The following EIF2AK4 variants were observed in gnomAD, a reference collection of about 807,000 sequenced individuals.
EIF2AK4 encodes the protein eukaryotic translation initiation factor 2 alpha kinase 4.
A neutral mutation model predicts 211.1 loss-of-function variants in EIF2AK4; 139 were observed. The ratio of observed to expected loss-of-function variants is 0.66; its 90% CI spans 0.57 to 0.76. The LOEUF is 0.76. Ranked by LOEUF, EIF2AK4 falls within the 30% of genes least tolerant of loss-of-function variation. EIF2AK4 has a pLI of 0.00. For synonymous variants in EIF2AK4, 710 were observed against 751.3 expected, an observed-to-expected ratio of 0.94 and a Z score of 0.90; for missense variants, 1,664 against 2,043.8, an observed-to-expected ratio of 0.81 and a Z score of 3.58.
chr15:40,008,762 C>G (rs1567003206), intron 25 of EIF2AK4, among the ~76,000 whole-genome samples: 1 of 152,164 alleles, frequency 6.6e-6, no homozygotes, highest in Admixed American at 6.5e-5. Context: ...CTTCTCAACT[C>G]TCACAGGTCT....
intron 9 of EIF2AK4, among the ~76,000 whole-genome samples, 180 bp downstream of exon 9, chr15:39,968,059 C>T (rs2034569844): frequency 6.6e-6 from 1 of 152,222 alleles, no homozygotes; most frequent in South Asian, 2.1e-4. Flanking sequence ...GTTGGTGATT[C>T]TCTTAACTAC....
At chr15:40,026,197 G>A (rs779483244) in intron 33 of EIF2AK4, 108 bp downstream of exon 33, 41 of 985,614 alleles carry the variant, frequency 4.2e-5, no homozygotes, top group Middle Eastern at 2.4e-4. Flanking sequence ...GCTCACACCT[G>A]TAATCCCAGC....
intron 2 of EIF2AK4, among the ~76,000 whole-genome samples, chr15:39,940,408 C>T (rs932904385): frequency 2.0e-5 from 3 of 152,008 alleles, no homozygotes; most frequent in South Asian, 2.1e-4. Context: ...TGGAAAGGGA[C>T]AAGTAAAAGG....
chr15:39,955,862 C>A lies in EIF2AK4; in HGVS notation c.743+94C>A, dbSNP rs957743636. On this transcript the variant is annotated intron_variant, in intron 6 of 38. Coordinates refer to ENST00000263791, the MANE Select transcript of EIF2AK4 (RefSeq NM_001013703.4). ...AGTGAAATTTGATGGAAATTTCAGG[C>A]GATAGTCTTAATAACTTTTTTCAAA... The A allele has an allele frequency of 2.9e-6, 4 of 1,363,368 alleles. No individual in the cohort carries two copies. The African/African-American group carries it at 4.5e-5, about 15-fold the overall frequency. 84.5% of individuals were successfully genotyped at this position (1,363,368 alleles called of 1,614,324 possible).
chr15:40,032,444 T>C (rs1296368280), intron 36 of EIF2AK4, among the ~76,000 whole-genome samples: 6 of 152,190 alleles, frequency 3.9e-5, no homozygotes, highest in Non-Finnish European at 5.9e-5. Flanking sequence ...CTCTTTAAGA[T>C]AGAGGAAAAT....
At chr15:39,938,200 C>T (rs77368811) in intron 1 of EIF2AK4, among the ~76,000 whole-genome samples, 4,947 of 152,220 alleles carry the variant, frequency 0.032, 102 homozygotes, top group Middle Eastern at 0.095. Flanking sequence ...TTCTCACCTC[C>T]GTGGACTAAG....
chr15:40,029,465 G>A lies in EIF2AK4; in HGVS notation c.4561+1G>A, dbSNP rs1274522740. ...AAGGGGTCATTTTCTAATGCTTCAG[G>A]TATAATTACTAATTATAATCTGAAC... On this transcript the variant is annotated splice_donor_variant, in intron 34 of 38. Coordinates refer to ENST00000263791, the MANE Select transcript of EIF2AK4 (RefSeq NM_001013703.4). LOFTEE classifies it high-confidence loss of function. The A allele has an allele frequency of 6.2e-7, 1 of 1,612,226 alleles. No homozygotes were observed.
Position 40,035,240 on chromosome 15 carries a change from C to G in EIF2AK4, c.*156C>G. 4.3e-6 allele frequency: 2 copies of G among 468,978 alleles called. No homozygotes were observed. The highest frequency in any genetic ancestry group is 7.1e-6 in the Non-Finnish European group (2 of 281,184). 29.1% of individuals were successfully genotyped at this position (468,978 alleles called of 1,614,324 possible). On this transcript the variant is annotated 3_prime_UTR_variant, in exon 39 of 39. Coordinates refer to ENST00000263791, the MANE Select transcript of EIF2AK4 (RefSeq NM_001013703.4). The stretch of plus-strand genomic sequence containing the variant: ...ATCCCAGCACTTTGGGAAGCCAAGG[C>G]AGGAAGACTGCTTGAAACCAGGAGT...
rs1020899827 is a variant in EIF2AK4 at position 39,934,420 on chromosome 15, T to C, written c.144+81T>C. On this transcript the variant is annotated intron_variant, in intron 1 of 38. Transcript: ENST00000263791. Reference sequence around the variant, plus strand: ...GGGCCAAAGCCCGGACACTTCCAGATTGGGCCGCCGCTTTAGGATCCTGCA... The same window carrying C: ...GGGCCAAAGCCCGGACACTTCCAGACTGGGCCGCCGCTTTAGGATCCTGCA... 8 of 1,498,162 alleles carry C rather than the reference T, an allele frequency of 5.3e-6. No homozygotes were observed. In the Admixed American group the frequency reaches 1.7e-4, roughly 31 times the overall value. 92.8% of individuals were successfully genotyped at this position (1,498,162 alleles called of 1,614,324 possible). A position where few individuals can be genotyped will look rare whatever the true frequency, so the allele number is the denominator to read the frequency against.
chr15:39,997,808 C>T (rs1426841881), intron 19 of EIF2AK4, among the ~76,000 whole-genome samples: 1 of 152,150 alleles, frequency 6.6e-6, no homozygotes, highest in Admixed American at 6.5e-5. Context: ...TGCCCATGAG[C>T]AAACCGCATT....
At chr15:39,947,210 A>G (rs549892999) in intron 3 of EIF2AK4, among the ~76,000 whole-genome samples, 1 of 152,360 alleles carries the variant, frequency 6.6e-6, no homozygotes, top group East Asian at 1.9e-4. Context: ...AAAGTCTAAA[A>G]TAGACATAAT....
rs776169025 is a variant in EIF2AK4, at chr15:39,985,772, A to G, written c.2320-33A>G. On this transcript the variant is annotated intron_variant, in intron 13 of 38. Transcript: ENST00000263791. ...ATGATTTTGCTTAATTTTGGCCTCC[A>G]TTTTGAGTTATTGTGTGTTCGTCTT... 1.2e-5 allele frequency: 19 copies of G among 1,611,866 alleles called. No homozygotes were observed. The East Asian group carries it at 4.2e-4, about 36-fold the overall frequency.
intron 5 of EIF2AK4, 44 bp from the exon 6 acceptor site, chr15:39,955,576 T>C (rs761913008): frequency 6.4e-7 from 1 of 1,571,658 alleles, no homozygotes; most frequent in Non-Finnish European, 8.6e-7. Flanking sequence ...TTTTCTTCCA[T>C]GTATGACTTA....
At chr15:39,946,551 A>C (rs2034230102) in intron 3 of EIF2AK4, 2 of 702,270 alleles carry the variant, frequency 2.8e-6, no homozygotes, top group Non-Finnish European at 5.2e-6. Flanking sequence ...ATGACAATCG[A>C]GCATTTAGGA....
chr15:40,031,779 G>A (rs1442394975), intron 35 of EIF2AK4, among the ~76,000 whole-genome samples: 1 of 151,448 alleles, frequency 6.6e-6, no homozygotes, highest in Non-Finnish European at 1.5e-5. Context: ...AGGCTGGAGT[G>A]CAGTGGTGCA....
intron 3 of EIF2AK4, among the ~76,000 whole-genome samples, chr15:39,947,897 A>G (rs148950874): frequency 2.2e-4 from 33 of 152,366 alleles, no homozygotes; most frequent in African/African-American, 7.2e-4. Flanking sequence ...TAAAGTAAAT[A>G]GAACAGCAAA....
chr15:40,018,334 C>T (rs78312336), intron 29 of EIF2AK4, among the ~76,000 whole-genome samples: 6,570 of 152,134 alleles, frequency 0.043, 229 homozygotes, highest in African/African-American at 0.1. Flanking sequence ...CATGATGTGT[C>T]TTGGCATGAG....
intron 18 of EIF2AK4, 55 bp from the exon 19 acceptor site, chr15:39,996,909 G>A: frequency 7.9e-7 from 1 of 1,257,998 alleles, no homozygotes; most frequent in Non-Finnish European, 1.2e-6. Context: ...TAATTCCCTG[G>A]TAAATTATAC....
chr15:39,975,496 C>G (rs2034681729), intron 11 of EIF2AK4: 1 of 152,158 alleles, frequency 6.6e-6, no homozygotes, highest in Non-Finnish European at 1.5e-5. Context: ...ATGGCATTTG[C>G]TTTTCTAGAG....
Sources: gnomAD v4.1 joint callset for allele counts (sites outside exome capture counted in the v4.1 genomes callset) on GRCh38, gnomAD v4.1.1 for gene constraint, MANE v1.5 for transcripts, NCBI Gene and HGNC (gene_info 2026-07-23, HGNC 2026-07-21) for gene names.